The following SAMD14 variants were observed in gnomAD, a reference collection of about 807,000 sequenced individuals.
SAMD14 encodes sterile alpha motif domain containing 14, also known as sterile alpha motif domain-containing protein 14.
In SAMD14, 27 loss-of-function variants were observed where a neutral mutation model predicts 46.2. The ratio of observed to expected loss-of-function variants is 0.58; its 90% CI spans 0.43 to 0.81. SAMD14 has a LOEUF of 0.81. Ranked by LOEUF, SAMD14 falls within the 30% of genes least tolerant of loss-of-function variation. The pLI, the probability that SAMD14 is intolerant of heterozygous loss-of-function variation, is 0.00. For missense variants in SAMD14, 559 were observed against 582.2 expected (o/e 0.96, Z 0.41); for synonymous variants, 241 against 254.3 (o/e 0.95, Z 0.50).
At chr17:50,128,669 C>T (rs1234473225) in intron 1 of SAMD14, among the ~76,000 whole-genome samples, 2 of 151,996 alleles carry the variant, frequency 1.3e-5, no homozygotes, top group Admixed American at 1.3e-4. Flanking sequence ...CCTCTTGGGA[C>T]CCAGGAGAAG....
Position 50,112,733 on chromosome 17 carries a change from G to T in SAMD14, c.*160C>A, listed in dbSNP as rs1158323446. Reference sequence around the variant, plus strand: ...GGGTCTCCCTTTCTGGGGTCTCTGGGTCTAGACCAAGTGACAGGGTAAGAG... The same window carrying T: ...GGGTCTCCCTTTCTGGGGTCTCTGGTTCTAGACCAAGTGACAGGGTAAGAG... On this transcript the variant is annotated 3_prime_UTR_variant, in exon 10 of 10. Transcript: ENST00000330175. The T allele has an allele frequency of 1.4e-5, 12 of 829,616 alleles. No individual in the cohort carries two copies. In the East Asian group the frequency reaches 1.9e-4, roughly 13 times the overall value. The allele number at this position is 829,616 out of a possible 1,614,324, so 51.4% of individuals were successfully genotyped here. A position where few individuals can be genotyped will look rare whatever the true frequency, so the allele number is the denominator to read the frequency against.
Position 50,114,670 on chromosome 17 carries a change from T to A in SAMD14, c.823-364A>T, listed in dbSNP as rs1488950183. On this transcript the variant is annotated intron_variant, in intron 7 of 9. Transcript: ENST00000330175. ...TGGCCTTAGTACCCCAGCTAATAAG[T>A]GCCTGATTAGAGGTCTTTATCCTCA... 3 of 500,018 alleles carry A rather than the reference T, an allele frequency of 6.0e-6. No homozygotes were observed. The South Asian group carries it at 9.3e-5, about 16-fold the overall frequency. 31.0% of individuals were successfully genotyped at this position (500,018 alleles called of 1,614,324 possible).
intron 7 of SAMD14, 143 bp from the exon 8 acceptor site, chr17:50,114,449 A>G (rs1364996106): frequency 1.2e-6 from 2 of 1,611,080 alleles, no homozygotes. Context: ...GCCTGCACAC[A>G]GGACATGATA....
At chr17:50,118,364 T>C in intron 2 of SAMD14, 37 bp from the exon 3 acceptor site, 5 of 1,603,392 alleles carry the variant, frequency 3.1e-6, no homozygotes, top group Non-Finnish European at 4.2e-6. Flanking sequence ...ACCAGACACA[T>C]GAGAGGTGAC....
chr17:50,121,534 TC>T, intron 2 of SAMD14, among the ~76,000 whole-genome samples: 1 of 152,194 alleles, frequency 6.6e-6, no homozygotes, highest in Non-Finnish European at 1.5e-5. Flanking sequence ...GTCAGGCTGG[TC>T]TTGAACTCCT....
rs561856114 is a variant in SAMD14 at position 50,122,893 on chromosome 17, CGA to C, written c.43+2022_43+2023del. Among the ~76,000 whole-genome samples, 502 of 152,076 alleles carry C rather than the reference CGA, an allele frequency of 3.3e-3. 3 individuals carry two copies. The highest frequency in any genetic ancestry group is 0.012 in the African/African-American group (484 of 41,486). ...CTGGTTGAAATGGGAGGGTGGACACCGAGAGGAGATTGCAGTTGTCCAGGGGG... is the reference window on the plus strand; with the variant it reads ...CTGGTTGAAATGGGAGGGTGGACACCGAGGAGATTGCAGTTGTCCAGGGGG... On this transcript the variant is annotated intron_variant, in intron 2 of 9. Coordinates refer to ENST00000330175, the MANE Select transcript of SAMD14 (RefSeq NM_001257359.2).
rs1911105442 is a variant in SAMD14 at position 50,115,028 on chromosome 17, T to C, written c.822+536A>G. On this transcript the variant is annotated intron_variant, in intron 7 of 9. Transcript: ENST00000330175. The surrounding 1 kb of genome is among the most constrained non-coding windows in gnomAD (Gnocchi z 5.3). Reference sequence around the variant, plus strand: ...CCTTCCCTCCCTACTTCACCGAGCCTTTGTGAGAGTAAAGCAGAAACGCAT... The same window carrying C: ...CCTTCCCTCCCTACTTCACCGAGCCCTTGTGAGAGTAAAGCAGAAACGCAT... The C allele has an allele frequency of 1.3e-5, 2 of 154,376 alleles. No individual in the cohort carries two copies. Among genetic ancestry groups the C allele is most frequent in the South Asian group, 2.0e-4 (1 of 4,910 alleles). 9.6% of individuals were successfully genotyped at this position (154,376 alleles called of 1,614,324 possible). A position where few individuals can be genotyped will look rare whatever the true frequency, so the allele number is the denominator to read the frequency against.
rs770925247 is a variant in SAMD14 at position 50,115,660 on chromosome 17, C to T, written c.726G>A (p.Thr242=). 1.9e-5 allele frequency: 31 copies of T among 1,608,488 alleles called. 1 individual carries two copies. In the South Asian group the frequency reaches 2.5e-4, roughly 13 times the overall value. The change falls in exon 7 of 10, where the codon ACG becomes ACA. Residue 242 remains threonine (T), a synonymous_variant. Transcript: ENST00000330175. This position sits in a 1 kb window ranked among gnomAD's most constrained non-coding sequence, Gnocchi z 5.3. ...AGGATGCTGAGCCCTTGCCGCTGTC[C>T]GTGAACCAGGAAAAAGGCAGGAACG... ...GSPFLPFSWF[T]DSGKGSASSG...
chr17:50,118,790 T>C (rs1399667919), intron 2 of SAMD14, among the ~76,000 whole-genome samples: 1 of 152,146 alleles, frequency 6.6e-6, no homozygotes, highest in Non-Finnish European at 1.5e-5. Context: ...ATGGAAATAA[T>C]GGCCACCATT....
Position 50,117,591 on chromosome 17 carries a change from C to T in SAMD14, c.315G>A (p.Leu105=), listed in dbSNP as rs1598226643. The T allele has an allele frequency of 1.3e-6, 2 of 1,554,248 alleles. No homozygotes were observed. Among genetic ancestry groups the T allele is most frequent in the East Asian group, 2.5e-5 (1 of 40,272 alleles). The change falls in exon 4 of 10, where the codon TTG becomes TTA. Residue 105 remains leucine, a synonymous_variant. Coordinates refer to ENST00000330175, the MANE Select transcript of SAMD14 (RefSeq NM_001257359.2). ...GCTCGTCCTCGTCCAGGCTGCGCCG[C>T]AACCCCGGAGGATCCAGGCAGAAAG... ...GGSFCLDPPG[L]RRSLDEDEPP...
Position 50,115,429 on chromosome 17 carries a change from G to A in SAMD14, c.822+135C>T. ...AATTCAGAGAATGCATGAAGTAACG[G>A]ATCACTGCATGGCTCCATGGATGGA... is the stretch of plus-strand genomic sequence containing the variant. On this transcript the variant is annotated intron_variant, in intron 7 of 9. Transcript: ENST00000330175. This position sits in a 1 kb window ranked among gnomAD's most constrained non-coding sequence, Gnocchi z 5.3. The A allele has an allele frequency of 1.4e-5, 12 of 858,408 alleles. No homozygotes were observed. The highest frequency in any genetic ancestry group is 3.0e-5 in the Admixed American group (1 of 33,156). The allele number at this position is 858,408 out of a possible 1,614,324, so 53.2% of individuals were successfully genotyped here. A position where few individuals can be genotyped will look rare whatever the true frequency, so the allele number is the denominator to read the frequency against.
chr17:50,125,438 C>A, intron 1 of SAMD14: 1 of 170,894 alleles, frequency 5.9e-6, no homozygotes, highest in Non-Finnish European at 1.3e-5. Context: ...AGTGATTGGC[C>A]CAAGATCACA....
Position 50,115,887 on chromosome 17 carries a change from G to T in SAMD14, c.605C>A (p.Ala202Glu). Reference sequence around the variant, plus strand: ...CTCCTTCCGGCTCTTGCCCGTGGATGCTCGGCGCAGGGTGACCCTGTGGGG... The same window carrying T: ...CTCCTTCCGGCTCTTGCCCGTGGATTCTCGGCGCAGGGTGACCCTGTGGGG... ...FLDLGVTLRR[A>E]STGKSRKEKG... Residue 202 changes from alanine (A) to glutamate (E), a missense_variant, in exon 6 of 10, where the codon GCA becomes GAA. Physicochemically the swap from Ala to Glu is moderately radical, Grantham distance 107. Coordinates refer to ENST00000330175, the MANE Select transcript of SAMD14 (RefSeq NM_001257359.2). The surrounding 1 kb of genome is among the most constrained non-coding windows in gnomAD (Gnocchi z 5.3). The T allele has an allele frequency of 6.2e-7, 1 of 1,613,158 alleles. No homozygotes were observed. The highest frequency in any genetic ancestry group is 8.5e-7 in the Non-Finnish European group (1 of 1,179,720).
chr17:50,126,255 T>C (rs1911764432), intron 1 of SAMD14, among the ~76,000 whole-genome samples: 1 of 152,122 alleles, frequency 6.6e-6, no homozygotes, highest in South Asian at 2.1e-4. Context: ...AACTCTTCTT[T>C]TCTGTTATTA....
Position 50,110,079 on chromosome 17 carries a change from C to T in SAMD14, c.*2814G>A, listed in dbSNP as rs1258489652. On this transcript the variant is annotated 3_prime_UTR_variant, in exon 10 of 10. Coordinates refer to ENST00000330175, the MANE Select transcript of SAMD14 (RefSeq NM_001257359.2). ...CCAGCACGGAGCCCAAGAACACGTC[C>T]ACGTACCGCGTCAGCTAAGGGCCGC... 1 of 1,609,304 alleles carries T rather than the reference C, an allele frequency of 6.2e-7. No individual in the cohort carries two copies. Among genetic ancestry groups the T allele is most frequent in the Non-Finnish European group, 8.5e-7 (1 of 1,177,608 alleles).
chr17:50,122,941 C>A (rs961214846), intron 2 of SAMD14, among the ~76,000 whole-genome samples: 2 of 151,890 alleles, frequency 1.3e-5, no homozygotes, highest in Non-Finnish European at 2.9e-5. Context: ...GTGTTTCCAG[C>A]CCCTGGGGCT....
rs200835995 is a variant in SAMD14 at position 50,114,465 on chromosome 17, T to C, written c.823-159A>G. 6.3e-5 allele frequency: 101 copies of C among 1,604,106 alleles called. No homozygotes were observed. The African/African-American group carries it at 1.2e-3, about 20-fold the overall frequency. ...CCTGCACACAGGACATGATAACTCATGTCAGGCATCAGGACCTGAAGCCTT... is the reference window on the plus strand; with the variant it reads ...CCTGCACACAGGACATGATAACTCACGTCAGGCATCAGGACCTGAAGCCTT... On this transcript the variant is annotated intron_variant, in intron 7 of 9. Transcript: ENST00000330175.
rs934571803 is a variant in SAMD14, at chr17:50,116,084, C to G, written c.506G>C (p.Ser169Thr). The G allele has an allele frequency of 6.2e-7, 1 of 1,613,348 alleles. No individual in the cohort carries two copies. Among genetic ancestry groups the G allele is most frequent in the Non-Finnish European group, 8.5e-7 (1 of 1,179,520 alleles). The change falls in exon 5 of 10, where the codon AGC becomes ACC. Residue 169 changes from serine (S) to threonine (T), a missense_variant. Ser to Thr is a moderately conservative substitution (Grantham distance 58). Coordinates refer to ENST00000330175, the MANE Select transcript of SAMD14 (RefSeq NM_001257359.2). ...GGGCTCAGGAGGACTGGCGTCACGGCTGTCATCTTTCCAGGGAGAGAAGGA... is the reference window on the plus strand; with the variant it reads ...GGGCTCAGGAGGACTGGCGTCACGGGTGTCATCTTTCCAGGGAGAGAAGGA... ...PRAEPHSEDD[S>T]RDASPPEPAS...
At chr17:50,128,421 A>G (rs1911874374) in intron 1 of SAMD14, among the ~76,000 whole-genome samples, 1 of 141,208 alleles carries the variant, frequency 7.1e-6, no homozygotes, top group Admixed American at 7.2e-5. Flanking sequence ...AACTGAGCCT[A>G]GAAAAATTAG....
Sources: allele counts gnomAD v4.1 joint callset (sites outside exome capture counted in the v4.1 genomes callset), GRCh38; gene constraint gnomAD v4.1.1; non-coding constraint Gnocchi (gnomAD v3.1); transcripts MANE v1.5; gene names NCBI Gene and HGNC (gene_info 2026-07-23, HGNC 2026-07-21).